SNX13: variants seen among roughly 807,000 people sequenced by gnomAD.
The protein encoded by SNX13 is sorting nexin 13.
In SNX13, 45 loss-of-function variants were observed where a neutral mutation model predicts 133.6. That is an observed-to-expected ratio of 0.34 (90% CI 0.27 to 0.43). The LOEUF (loss-of-function observed/expected upper bound fraction) is 0.43. Ranked by LOEUF, SNX13 falls within the 20% of genes least tolerant of loss-of-function variation. The pLI is 1.00. For missense variants in SNX13, 1,032 were observed against 1,145.1 expected (o/e 0.90, Z 1.43); for synonymous variants, 414 against 373.9 (o/e 1.11, Z -1.24).
intron 11 of SNX13, 89 bp from the exon 12 acceptor site, chr7:17,845,783 T>A (rs921023247): frequency 1.2e-6 from 1 of 829,850 alleles, no homozygotes; most frequent in Non-Finnish European, 1.8e-6. Context: ...AAAATCAAGC[T>A]AAAACGGAGT....
At chr7:17,822,186 G>A (rs10268232) in intron 17 of SNX13, among the ~76,000 whole-genome samples, 4,216 of 151,476 alleles carry the variant, frequency 0.028, 208 homozygotes, top group African/African-American at 0.097. Context: ...TCACAAGTGC[G>A]GTTTATTCTG....
At chr7:17,820,777 G>A (rs1787201215) in intron 18 of SNX13, among the ~76,000 whole-genome samples, 1 of 152,060 alleles carries the variant, frequency 6.6e-6, no homozygotes, top group African/African-American at 2.4e-5. Context: ...TTTAATACCA[G>A]TTGTATACCT....
chr7:17,806,997 C>T (rs2723562), intron 20 of SNX13, among the ~76,000 whole-genome samples: 2 of 151,952 alleles, frequency 1.3e-5, no homozygotes, highest in South Asian at 2.1e-4. Context: ...TCCGCCACCA[C>T]GGGCCTGGGT....
rs777240970 is a variant in SNX13, at chr7:17,891,607, C to T, written c.257G>A (p.Arg86Lys). The change falls in exon 4 of 26, where the codon AGG (arginine) becomes AAG (lysine). Residue 86 changes from arginine (R) to lysine (K), a missense_variant. Transcript: ENST00000428135. The part of the protein sequence containing the change: ...KCLEEMKREA[R>K]TIKIDRRLTG... ...CAATCTTCTATCAATCTTAATAGTC[C>T]TGGCTTCCCGTTTCATTTCTTCTAA... 84 of 1,612,176 alleles carry T rather than the reference C, an allele frequency of 5.2e-5. No individual in the cohort carries two copies. The Admixed American group carries it at 1.4e-3, about 27-fold the overall frequency.
Position 17,791,936 on chromosome 7 carries a change from C to A in SNX13, c.*2109G>T, listed in dbSNP as rs544135577. ...TATAAACTCTTCTAAACAAAAATTA[C>A]TTTAAAAATCCATTTACTCAAATAG... is the stretch of plus-strand genomic sequence containing the variant. On this transcript the variant is annotated 3_prime_UTR_variant, in exon 26 of 26. Transcript: ENST00000428135. The A allele has an allele frequency of 1.3e-5, 2 of 152,042 alleles. No homozygotes were observed. The highest frequency in any genetic ancestry group is 2.9e-5 in the Non-Finnish European group (2 of 67,950). The allele number at this position is 152,042 out of a possible 1,614,324, so 9.4% of individuals were successfully genotyped here.
At chr7:17,816,919 G>A (rs10247149) in intron 18 of SNX13, among the ~76,000 whole-genome samples, 6,783 of 152,082 alleles carry the variant, frequency 0.045, 447 homozygotes, top group African/African-American at 0.14. Flanking sequence ...ATAATAAAAG[G>A]TTTTAAAAAA....
intron 1 of SNX13, among the ~76,000 whole-genome samples, chr7:17,914,079 T>A (rs1332747472): frequency 6.6e-6 from 1 of 150,954 alleles, no homozygotes; most frequent in Non-Finnish European, 1.5e-5. Context: ...AATTGAAAAA[T>A]TTCAAAATAC....
At chr7:17,882,101 C>A (rs1795416082) in intron 5 of SNX13, 1 of 152,176 alleles carries the variant, frequency 6.6e-6, no homozygotes, top group Non-Finnish European at 1.5e-5. Flanking sequence ...GGAATTCTTT[C>A]ATAGGAGCTA....
chr7:17,927,345 C>T (rs1163995034), intron 1 of SNX13, among the ~76,000 whole-genome samples: 1 of 151,936 alleles, frequency 6.6e-6, no homozygotes, highest in East Asian at 1.9e-4. Flanking sequence ...TGGACTCCAG[C>T]AATCCTCCCG....
At chr7:17,832,004 A>G in intron 15 of SNX13, 1 of 983,916 alleles carries the variant, frequency 1.0e-6, no homozygotes, top group Non-Finnish European at 1.2e-6. Context: ...GTAATTTCAC[A>G]GTATAAAACT....
At chr7:17,914,818 A>G (rs939502741) in intron 1 of SNX13, among the ~76,000 whole-genome samples, 1 of 152,188 alleles carries the variant, frequency 6.6e-6, no homozygotes, top group Non-Finnish European at 1.5e-5. Context: ...CTAACAATCA[A>G]GATTATAAAG....
At chr7:17,914,534 G>A (rs1799338649) in intron 1 of SNX13, among the ~76,000 whole-genome samples, 2 of 152,134 alleles carry the variant, frequency 1.3e-5, no homozygotes, top group Admixed American at 1.3e-4. Flanking sequence ...GGACTTCTCA[G>A]CAGAAATTTT....
At chr7:17,807,471 G>T (rs906264839) in intron 20 of SNX13, among the ~76,000 whole-genome samples, 15 of 152,232 alleles carry the variant, frequency 9.9e-5, no homozygotes, top group African/African-American at 3.6e-4. Context: ...CCAGACAGGG[G>T]CTTATAGATA....
At chr7:17,838,475 A>C (rs1270664842) in intron 13 of SNX13, among the ~76,000 whole-genome samples, 1 of 151,740 alleles carries the variant, frequency 6.6e-6, no homozygotes, top group Non-Finnish European at 1.5e-5. Context: ...TTTTCTATTC[A>C]CTGATTCTCA....
chr7:17,873,717 C>G, intron 7 of SNX13, 101 bp from the exon 8 acceptor site: 1 of 612,242 alleles, frequency 1.6e-6, no homozygotes, highest in South Asian at 3.5e-5. Context: ...ATAACCAGTT[C>G]CCTGGTTACA....
At chr7:17,913,505 T>C (rs1799219234) in intron 1 of SNX13, among the ~76,000 whole-genome samples, 1 of 152,142 alleles carries the variant, frequency 6.6e-6, no homozygotes, top group Non-Finnish European at 1.5e-5. Context: ...ATTCTTAATC[T>C]TAAGTGCCAC....
At chr7:17,855,944 T>G (rs1791827058) in intron 9 of SNX13, among the ~76,000 whole-genome samples, 1 of 152,236 alleles carries the variant, frequency 6.6e-6, no homozygotes, top group African/African-American at 2.4e-5. Flanking sequence ...AAATGACTCA[T>G]TATTCTAGAT....
At chr7:17,819,892 AACACACAC>A (rs61318514) in intron 18 of SNX13, among the ~76,000 whole-genome samples, 2 of 150,030 alleles carry the variant, frequency 1.3e-5, no homozygotes, top group Admixed American at 6.6e-5. Context: ...CTTTATAAGA[AACACACAC>A]ACACACACAC....
At position 17,793,757 on chromosome 7, in the gene SNX13, T is replaced by C; in HGVS notation, c.*288A>G. 1 of 291,414 alleles carries C rather than the reference T, an allele frequency of 3.4e-6. No individual in the cohort carries two copies. The highest frequency in any genetic ancestry group is 6.5e-6 in the Non-Finnish European group (1 of 153,990). 18.1% of individuals were successfully genotyped at this position (291,414 alleles called of 1,614,324 possible). A position where few individuals can be genotyped will look rare whatever the true frequency, so the allele number is the denominator to read the frequency against. On this transcript the variant is annotated 3_prime_UTR_variant, in exon 26 of 26. Transcript: ENST00000428135. ...CTTTGTCATTGCTGGAGAATGCTGA[T>C]TAGTTTGAAATGGAAGAAACCAACG...
Sources: allele counts gnomAD v4.1 joint callset (sites outside exome capture counted in the v4.1 genomes callset), GRCh38; gene constraint gnomAD v4.1.1; transcripts MANE v1.5; gene names NCBI Gene and HGNC (gene_info 2026-07-23, HGNC 2026-07-21).